The following DAB1 variants were observed in gnomAD, a reference collection of about 807,000 sequenced individuals.
DAB1 encodes DAB adaptor protein 1.
Under a neutral mutation model 64.6 loss-of-function variants are expected in DAB1, and 15 were observed. That is an observed-to-expected ratio of 0.23 (90% CI 0.16 to 0.36). The LOEUF is 0.36. DAB1 is among the 10% of genes least tolerant of loss of function. DAB1 has a pLI of 1.00. For missense variants in DAB1, 596 were observed against 706.7 expected (o/e 0.84, Z 1.78); for synonymous variants, 235 against 251.9 (o/e 0.93, Z 0.64).
At chr1:58,224,044 AACTGTGGGCTATT>A (rs1239676058) in intron 4 of DAB1, among the ~76,000 whole-genome samples, 5 of 152,312 alleles carry the variant, frequency 3.3e-5, no homozygotes, top group Admixed American at 1.3e-4. Context: ...TACCTGCCTC[AACTGTGGGCTATT>A]AAAGGACAAT....
chr1:57,161,444 C>T (rs147628158), intron 2 of DAB1, among the ~76,000 whole-genome samples: 1 of 152,240 alleles, frequency 6.6e-6, no homozygotes, highest in East Asian at 1.9e-4. Context: ...ATCACCCATC[C>T]AAAGGCAGCC....
chr1:57,099,029 TGGGTTGG>T (rs1431061961), intron 4 of DAB1, among the ~76,000 whole-genome samples: 1 of 152,162 alleles, frequency 6.6e-6, no homozygotes, highest in Non-Finnish European at 1.5e-5. Context: ...TCTGTAAAAC[TGGGTTGG>T]GAGAGCCAAG....
chr1:57,021,839 C>T (rs1646633125), intron 11 of DAB1, among the ~76,000 whole-genome samples: 1 of 152,032 alleles, frequency 6.6e-6, no homozygotes, highest in African/African-American at 2.4e-5. Context: ...CCTGGAGTAC[C>T]TGGAACTCTG....
chr1:58,040,930 G>A (rs1342083661), intron 5 of DAB1, among the ~76,000 whole-genome samples: 3 of 152,066 alleles, frequency 2.0e-5, no homozygotes, highest in African/African-American at 2.4e-5. Context: ...CTGGGACCCC[G>A]GGGATTGGCT....
chr1:58,124,992 C>T (rs1022917799), intron 5 of DAB1, among the ~76,000 whole-genome samples: 4 of 151,932 alleles, frequency 2.6e-5, no homozygotes, highest in East Asian at 3.9e-4. Context: ...TTGTTGCTGT[C>T]GTTATTATTA....
At chr1:58,192,927 C>A (rs76489786) in intron 4 of DAB1, among the ~76,000 whole-genome samples, 2,254 of 152,220 alleles carry the variant, frequency 0.015, 56 homozygotes, top group South Asian at 0.098. Flanking sequence ...ATGAACAAAA[C>A]AATGTGAATG....
chr1:57,369,328 C>T lies in DAB1; in HGVS notation c.-137+54602G>A, dbSNP rs115810278. Among the ~76,000 whole-genome samples the T allele has an allele frequency of 4.9e-3, 742 of 152,222 alleles. 8 individuals carry two copies. The highest frequency in any genetic ancestry group is 0.017 in the African/African-American group (719 of 41,524). On this transcript the variant is annotated intron_variant, in intron 1 of 14. Transcript: ENST00000371236. ...TCCAACACTCCCTCAGGGGTTGATG[C>T]CCACGTAGTATCAAGATATACATTC... is the stretch of plus-strand genomic sequence containing the variant.
At chr1:58,244,615 A>C (rs1194361538) in intron 4 of DAB1, among the ~76,000 whole-genome samples, 1 of 152,228 alleles carries the variant, frequency 6.6e-6, no homozygotes, top group African/African-American at 2.4e-5. Flanking sequence ...CTCCACAGTA[A>C]GAAAGACTTG....
intron 2 of DAB1, among the ~76,000 whole-genome samples, chr1:57,201,216 C>T (rs977101941): frequency 4.6e-5 from 7 of 151,990 alleles, no homozygotes; most frequent in Non-Finnish European, 1.0e-4. Context: ...CTTCCTGGCA[C>T]ATAGTAGGCA....
chr1:58,421,246 C>T (rs920314763), intron 3 of DAB1, among the ~76,000 whole-genome samples: 2 of 152,132 alleles, frequency 1.3e-5, no homozygotes, highest in African/African-American at 2.4e-5. Flanking sequence ...GGGACAGGCA[C>T]GAGCAACATG....
intron 1 of DAB1, among the ~76,000 whole-genome samples, chr1:57,829,351 G>C (rs905977842): frequency 2.0e-5 from 3 of 152,198 alleles, no homozygotes; most frequent in Non-Finnish European, 4.4e-5. Context: ...GAGCCTCAGA[G>C]AACGTAGCTT....
chr1:57,943,278 T>C (rs913203643), intron 5 of DAB1, among the ~76,000 whole-genome samples: 1 of 152,188 alleles, frequency 6.6e-6, no homozygotes, highest in African/African-American at 2.4e-5. Flanking sequence ...AATGAACATA[T>C]AATGCAAGAG....
At chr1:58,425,503 A>T (rs955324087) in intron 3 of DAB1, among the ~76,000 whole-genome samples, 2 of 152,206 alleles carry the variant, frequency 1.3e-5, no homozygotes, top group South Asian at 4.1e-4. Context: ...TCAGTGTTAG[A>T]TGCAGATCTG....
intron 7 of DAB1, among the ~76,000 whole-genome samples, chr1:57,637,351 T>C (rs774017284): frequency 4.6e-5 from 7 of 152,182 alleles, no homozygotes; most frequent in Non-Finnish European, 8.8e-5. Context: ...ATGATAAAGA[T>C]ATGCACAGGG....
intron 3 of DAB1, among the ~76,000 whole-genome samples, chr1:58,502,305 A>G (rs1372664293): frequency 6.6e-6 from 1 of 152,212 alleles, no homozygotes; most frequent in African/African-American, 2.4e-5. Flanking sequence ...ATCTGATCCA[A>G]CACAGGCTCT....
chr1:57,913,925 C>T (rs1644687043), intron 5 of DAB1, among the ~76,000 whole-genome samples: 1 of 152,066 alleles, frequency 6.6e-6, no homozygotes, highest in African/African-American at 2.4e-5. Flanking sequence ...GAATGGCAAT[C>T]ATTAAAAAGT....
chr1:57,639,411 G>A (rs1173317010), intron 7 of DAB1, among the ~76,000 whole-genome samples: 1 of 149,192 alleles, frequency 6.7e-6, no homozygotes, highest in Non-Finnish European at 1.5e-5. Context: ...AATAACTTTA[G>A]TAAATAACTT....
At chr1:57,553,406 G>GAAAGAA (rs1553193755) in intron 7 of DAB1, among the ~76,000 whole-genome samples, 23 of 15,842 alleles carry the variant, frequency 1.5e-3, no homozygotes, top group Non-Finnish European at 4.5e-3. Context: ...AAGAAAGAAA[G>GAAAGAA]AAAGAAAGAA....
intron 4 of DAB1, among the ~76,000 whole-genome samples, chr1:58,300,651 AGG>A: frequency 1.4e-5 from 1 of 69,362 alleles, no homozygotes; most frequent in East Asian, 5.8e-4. Flanking sequence ...AGAGAGAGGA[AGG>A]AAGGAAGGAA....
Sources: gnomAD v4.1 joint callset for allele counts (sites outside exome capture counted in the v4.1 genomes callset) on GRCh38, gnomAD v4.1.1 for gene constraint, MANE v1.5 for transcripts, NCBI Gene and HGNC (gene_info 2026-07-23, HGNC 2026-07-21) for gene names.